ZNF131: variants seen among roughly 807,000 people sequenced by gnomAD.
ZNF131 encodes the protein zinc finger protein 131.
ZNF131 carries 7 observed loss-of-function variants against 60.0 expected under a neutral mutation model. That is an observed-to-expected ratio of 0.12 (90% CI 0.07 to 0.22). The LOEUF (loss-of-function observed/expected upper bound fraction) is 0.22. Among genes scored for constraint, ZNF131 ranks in the 10% least tolerant of loss-of-function variants. The pLI, the probability that ZNF131 is intolerant of heterozygous loss-of-function variation, is 1.00. For synonymous variants in ZNF131, 257 were observed against 253.2 expected (o/e 1.01, Z -0.14); for missense variants, 493 against 740.9 (o/e 0.67, Z 3.88).
chr5:43,146,250 T>G (rs1747561107), intron 4 of ZNF131, among the ~76,000 whole-genome samples: 1 of 152,198 alleles, frequency 6.6e-6, no homozygotes, highest in South Asian at 2.1e-4. Flanking sequence ...GAAAAGAAAT[T>G]AGGACCTCAT....
chr5:43,133,009 A>G (rs1561395339), intron 3 of ZNF131, among the ~76,000 whole-genome samples: 1 of 152,122 alleles, frequency 6.6e-6, no homozygotes, highest in Admixed American at 6.6e-5. Context: ...TCTATGTTAA[A>G]TGTAGGTTTT....
At chr5:43,121,933 C>A (rs952491990) in intron 1 of ZNF131, 106 bp from the exon 2 acceptor site, 3 of 1,240,212 alleles carry the variant, frequency 2.4e-6, no homozygotes, top group South Asian at 1.6e-5. Flanking sequence ...CACCCTCCCC[C>A]CTTCTTTTCA....
intron 4 of ZNF131, chr5:43,143,503 T>C: frequency 1.1e-6 from 1 of 936,162 alleles, no homozygotes; most frequent in East Asian, 3.4e-5. Flanking sequence ...CTGGAACTAG[T>C]TTAGATGAGC....
intron 4 of ZNF131, among the ~76,000 whole-genome samples, chr5:43,157,407 G>A (rs1007010841): frequency 1.3e-5 from 2 of 152,132 alleles, no homozygotes; most frequent in African/African-American, 4.8e-5. Context: ...ATTGTAACTT[G>A]TCTGAAAAGA....
Position 43,153,643 on chromosome 5 carries a change from A to AAAAC in ZNF131, c.372-7590_372-7587dup, listed in dbSNP as rs201035011. Among the ~76,000 whole-genome samples, 102 of 152,152 alleles carry AAAAC rather than the reference A, an allele frequency of 6.7e-4. 1 individual carries two copies. The highest frequency in any genetic ancestry group is 2.4e-3 in the African/African-American group (100 of 41,464). On this transcript the variant is annotated intron_variant, in intron 4 of 6. Coordinates refer to ENST00000682664, the MANE Select transcript of ZNF131 (RefSeq NM_001330707.2). ...GCAACAAGAGCGAAACTCCATCTCAAAAACAAACAAACAAACAAAAATTCA... is the reference window on the plus strand; with the variant it reads ...GCAACAAGAGCGAAACTCCATCTCAAAAACAAACAAACAAACAAACAAAAATTCA...
chr5:43,131,894 TCCAA>T (rs1678145395), intron 3 of ZNF131, among the ~76,000 whole-genome samples: 1 of 152,154 alleles, frequency 6.6e-6, no homozygotes, highest in African/African-American at 2.4e-5. Flanking sequence ...TTCAAACTTT[TCCAA>T]GCAGGAAGGA....
chr5:43,128,621 C>T (rs188763659), intron 3 of ZNF131, among the ~76,000 whole-genome samples: 26,223 of 141,792 alleles, frequency 0.18, 2,735 homozygotes, highest in Middle Eastern at 0.35. Flanking sequence ...GGCGCCACTG[C>T]ACTCCAGCCT....
rs188833055 is a variant in ZNF131, at chr5:43,157,355, T to A, written c.372-3894T>A. On this transcript the variant is annotated intron_variant, in intron 4 of 6. Coordinates refer to ENST00000682664, the MANE Select transcript of ZNF131 (RefSeq NM_001330707.2). Reference sequence around the variant, plus strand: ...CTCACCTGGCTTCTGCCTATAGCAATCGCAAATTTCCCTTCTTTTACATTC... The same window carrying A: ...CTCACCTGGCTTCTGCCTATAGCAAACGCAAATTTCCCTTCTTTTACATTC... 3.9e-4 allele frequency among the ~76,000 whole-genome samples: 60 copies of A among 152,274 alleles called. No homozygotes were observed. The East Asian group carries it at 0.011, about 27-fold the overall frequency.
intron 3 of ZNF131, among the ~76,000 whole-genome samples, chr5:43,133,016 T>C (rs979717084): frequency 6.6e-6 from 1 of 152,188 alleles, no homozygotes; most frequent in African/African-American, 2.4e-5. Context: ...TAAATGTAGG[T>C]TTTCTTTTTG....
At chr5:43,136,324 T>C (rs1746077284) in intron 3 of ZNF131, among the ~76,000 whole-genome samples, 2 of 152,150 alleles carry the variant, frequency 1.3e-5, no homozygotes, top group African/African-American at 2.4e-5. Context: ...GAAAGTGGGC[T>C]ACAGATTCAA....
intron 5 of ZNF131, among the ~76,000 whole-genome samples, chr5:43,167,769 T>A (rs1293232434): frequency 4.6e-5 from 7 of 152,188 alleles, no homozygotes; most frequent in African/African-American, 1.7e-4. Flanking sequence ...CTGTGTAACA[T>A]GTTAAGTGCT....
chr5:43,162,753 A>C (rs1308365401), intron 5 of ZNF131, among the ~76,000 whole-genome samples: 1 of 149,668 alleles, frequency 6.7e-6, no homozygotes, highest in Non-Finnish European at 1.5e-5. Context: ...AAAATACAAA[A>C]AATTAGTTGG....
intron 4 of ZNF131, among the ~76,000 whole-genome samples, chr5:43,154,713 A>G (rs1344491872): frequency 1.3e-5 from 2 of 152,200 alleles, no homozygotes; most frequent in African/African-American, 2.4e-5. Context: ...ATTAGTGGCA[A>G]TCTGGGCAGT....
intron 3 of ZNF131, among the ~76,000 whole-genome samples, chr5:43,128,444 A>T (rs1449865098): frequency 6.6e-6 from 1 of 152,010 alleles, no homozygotes; most frequent in Non-Finnish European, 1.5e-5. Flanking sequence ...TCATGAGGTC[A>T]GGAGATCGAG....
intron 4 of ZNF131, among the ~76,000 whole-genome samples, chr5:43,144,257 T>G (rs1231750602): frequency 2.5e-5 from 3 of 118,946 alleles, no homozygotes; most frequent in African/African-American, 1.1e-4. Context: ...TTTTTTTTTT[T>G]TTTTTTTTTT....
At chr5:43,137,161 T>G (rs1746221130) in intron 3 of ZNF131, among the ~76,000 whole-genome samples, 1 of 152,190 alleles carries the variant, frequency 6.6e-6, no homozygotes, top group South Asian at 2.1e-4. Flanking sequence ...AGTAATTTCG[T>G]GGATGTGACG....
At chr5:43,131,787 G>T (rs1745384900) in intron 3 of ZNF131, among the ~76,000 whole-genome samples, 1 of 149,244 alleles carries the variant, frequency 6.7e-6, no homozygotes, top group Non-Finnish European at 1.5e-5. Context: ...AATAACAAGG[G>T]TAGGCATATG....
At chr5:43,135,891 G>A (rs1428141862) in intron 3 of ZNF131, among the ~76,000 whole-genome samples, 1 of 152,202 alleles carries the variant, frequency 6.6e-6, no homozygotes, top group East Asian at 1.9e-4. Flanking sequence ...GCCGAGGCGG[G>A]CATATCACAA....
chr5:43,133,342 G>GT (rs1194852645), intron 3 of ZNF131, among the ~76,000 whole-genome samples: 1 of 152,132 alleles, frequency 6.6e-6, no homozygotes, highest in African/African-American at 2.4e-5. Context: ...GTGGGCACCT[G>GT]TAATCTCAGC....
Sources: allele counts gnomAD v4.1 joint callset (sites outside exome capture counted in the v4.1 genomes callset), GRCh38; gene constraint gnomAD v4.1.1; transcripts MANE v1.5; gene names NCBI Gene and HGNC (gene_info 2026-07-23, HGNC 2026-07-21).